The following WDR7 variants were observed in gnomAD, a reference collection of about 807,000 sequenced individuals.
The protein encoded by WDR7 is WD repeat-containing protein 7.
WDR7 carries 46 observed loss-of-function variants against 169.4 expected under a neutral mutation model. That is an observed-to-expected ratio of 0.27 (90% confidence interval 0.21 to 0.35). The LOEUF is 0.35. Among genes scored for constraint, WDR7 ranks in the 10% least tolerant of loss-of-function variants. WDR7 has a pLI of 1.00. For missense variants in WDR7, 1,534 were observed against 1,859.3 expected (o/e 0.83, Z 3.22); for synonymous variants, 612 against 666.8 (o/e 0.92, Z 1.27).
At chr18:56,794,631 G>A (rs768567904) in intron 19 of WDR7, among the ~76,000 whole-genome samples, 1 of 151,920 alleles carries the variant, frequency 6.6e-6, no homozygotes, top group African/African-American at 2.4e-5. Flanking sequence ...TTTTTAAAAA[G>A]CCAAAGCCTA....
chr18:56,742,383 A>G, intron 14 of WDR7, among the ~76,000 whole-genome samples: 1 of 152,316 alleles, frequency 6.6e-6, no homozygotes, highest in South Asian at 2.1e-4. Flanking sequence ...AAATATACAT[A>G]TTTATGGCAA....
chr18:56,686,120 T>G lies in WDR7; in HGVS notation c.597+88T>G, dbSNP rs76753325. Reference sequence around the variant, plus strand: ...AATGATATGCCCCTTCCATTTTTTTTAAGGGGGAAGGAAAAAGTGATTATT... The same window carrying G: ...AATGATATGCCCCTTCCATTTTTTTGAAGGGGGAAGGAAAAAGTGATTATT... On this transcript the variant is annotated intron_variant, in intron 6 of 27. Coordinates refer to ENST00000254442, the MANE Select transcript of WDR7 (RefSeq NM_015285.3). 6.7e-3 allele frequency: 7,251 copies of G among 1,088,084 alleles called. 299 individuals are homozygous for G. The African/African-American group carries it at 0.098, about 15-fold the overall frequency. 67.4% of individuals were successfully genotyped at this position (1,088,084 alleles called of 1,614,324 possible).
intron 26 of WDR7, among the ~76,000 whole-genome samples, chr18:56,983,692 C>A (rs984990136): frequency 3.3e-5 from 5 of 151,842 alleles, no homozygotes; most frequent in African/African-American, 1.2e-4. Context: ...AAAATGTGTC[C>A]CCAGAATAAG....
Position 56,731,538 on chromosome 18 carries a change from G to A in WDR7, c.1930G>A (p.Ala644Thr), listed in dbSNP as rs1406559408. Residue 644 changes from alanine (A) to threonine (T), a missense_variant, in exon 14 of 28, where the codon GCC becomes ACC. Physicochemically the swap from Ala to Thr is moderately conservative, Grantham distance 58 (BLOSUM62 0). Coordinates refer to ENST00000254442, the MANE Select transcript of WDR7 (RefSeq NM_015285.3). ...TAGTCTTGCTGCTCTTAAAAATATG[G>A]CCCATCATAAGCTACAAACCCTTGC... ...RRSLAALKNM[A>T]HHKLQTLATN... The A allele has an allele frequency of 6.2e-7, 1 of 1,613,866 alleles. No individual in the cohort carries two copies. Among genetic ancestry groups the A allele is most frequent in the East Asian group, 2.2e-5 (1 of 44,884 alleles).
intron 14 of WDR7, among the ~76,000 whole-genome samples, chr18:56,746,505 T>C (rs1248754022): frequency 6.6e-6 from 1 of 152,160 alleles, no homozygotes; most frequent in East Asian, 1.9e-4. Flanking sequence ...TCAGTAAGTG[T>C]AGTACTTGCT....
At chr18:56,871,063 G>C (rs979663440) in intron 20 of WDR7, among the ~76,000 whole-genome samples, 2 of 152,050 alleles carry the variant, frequency 1.3e-5, no homozygotes, top group Non-Finnish European at 2.9e-5. Context: ...TATTTTACTG[G>C]TCTGAAAATA....
intron 12 of WDR7, among the ~76,000 whole-genome samples, chr18:56,699,214 CA>C (rs2025772156): frequency 6.6e-6 from 1 of 152,092 alleles, no homozygotes; most frequent in South Asian, 2.1e-4. Context: ...TGCACATCAG[CA>C]AGTATGTTTA....
At chr18:56,906,282 A>T (rs1404719640) in intron 21 of WDR7, among the ~76,000 whole-genome samples, 1 of 152,176 alleles carries the variant, frequency 6.6e-6, no homozygotes, top group East Asian at 1.9e-4. Flanking sequence ...AAAAGAACTG[A>T]TTTCTTCAAG....
chr18:56,972,128 A>G (rs1403607626), intron 26 of WDR7, among the ~76,000 whole-genome samples: 1 of 152,222 alleles, frequency 6.6e-6, no homozygotes, highest in South Asian at 2.1e-4. Flanking sequence ...AGCCAATGTA[A>G]TCTTCTATGA....
rs1426236545 is a variant in WDR7, at chr18:56,815,861, G to T, written c.3191-170G>T. 2.6e-5 allele frequency among the ~76,000 whole-genome samples: 4 copies of T among 152,076 alleles called. No homozygotes were observed. The East Asian group carries it at 7.7e-4, about 29-fold the overall frequency. On this transcript the variant is annotated intron_variant, in intron 19 of 27. Coordinates refer to ENST00000254442, the MANE Select transcript of WDR7 (RefSeq NM_015285.3). ...ACATATATACATGCAAATAAATAGA[G>T]CACACGTGAATGTTTTATTCATTGA...
At chr18:57,033,877 G>A (rs919560031), downstream of WDR7, 1 of 151,990 alleles carries the variant, frequency 6.6e-6, no homozygotes, top group Non-Finnish European at 1.5e-5. Context: ...CTGAGGTGTG[G>A]TGGCTCATGC....
chr18:56,897,407 AG>A (rs979009661), intron 21 of WDR7, among the ~76,000 whole-genome samples: 4 of 49,432 alleles, frequency 8.1e-5, no homozygotes, highest in Non-Finnish European at 5.3e-5. Context: ...GAGCAAAAAA[AG>A]AATGGAAAAA....
At chr18:56,708,232 C>A (rs1410141361) in intron 12 of WDR7, among the ~76,000 whole-genome samples, 1 of 151,932 alleles carries the variant, frequency 6.6e-6, no homozygotes, top group Non-Finnish European at 1.5e-5. Context: ...TGGGGATTCA[C>A]CATGTTGGCC....
At chr18:56,997,233 C>T (rs1599231565) in intron 26 of WDR7, among the ~76,000 whole-genome samples, 1 of 152,118 alleles carries the variant, frequency 6.6e-6, no homozygotes, top group Non-Finnish European at 1.5e-5. Context: ...AGAGTGTTTT[C>T]AACTATGATT....
intron 20 of WDR7, among the ~76,000 whole-genome samples, chr18:56,848,157 C>A (rs2045593217): frequency 1.3e-5 from 2 of 152,196 alleles, no homozygotes; most frequent in Admixed American, 6.5e-5. Context: ...GCGAGCCTAC[C>A]CCTTGCACAG....
At chr18:56,773,039 A>G (rs1354367498) in intron 16 of WDR7, among the ~76,000 whole-genome samples, 5 of 152,168 alleles carry the variant, frequency 3.3e-5, no homozygotes. Context: ...CTGTGCTTAT[A>G]TTATTGCCCT....
chr18:56,742,265 A>G (rs956410325), intron 14 of WDR7, among the ~76,000 whole-genome samples: 1 of 152,238 alleles, frequency 6.6e-6, no homozygotes, highest in Admixed American at 6.5e-5. Flanking sequence ...AGGGAGTGCT[A>G]GGTGGATTAA....
chr18:56,678,253 T>C (rs1350342580), intron 2 of WDR7, among the ~76,000 whole-genome samples: 1 of 152,238 alleles, frequency 6.6e-6, no homozygotes, highest in Non-Finnish European at 1.5e-5. Flanking sequence ...CACGTATTTG[T>C]TTCTCCCGGA....
chr18:56,682,029 T>A (rs578153031), intron 4 of WDR7, among the ~76,000 whole-genome samples: 5 of 152,346 alleles, frequency 3.3e-5, no homozygotes, highest in African/African-American at 1.2e-4. Flanking sequence ...AAAAATATGA[T>A]CAATTATGAT....
Sources: allele counts gnomAD v4.1 joint callset (sites outside exome capture counted in the v4.1 genomes callset), GRCh38; gene constraint gnomAD v4.1.1; transcripts MANE v1.5; gene names NCBI Gene and HGNC (gene_info 2026-07-23, HGNC 2026-07-21).